Variants in PDE4D observed in about 807,000 individuals in gnomAD.
PDE4D encodes the protein 3',5'-cyclic-AMP phosphodiesterase 4D.
PDE4D carries 24 observed loss-of-function variants against 87.4 expected under a neutral mutation model. That is an observed-to-expected ratio of 0.27 (90% CI 0.20 to 0.39). PDE4D has a LOEUF of 0.39. PDE4D is among the 10% of genes least tolerant of loss of function. PDE4D has a pLI of 1.00. For missense variants in PDE4D, 714 were observed against 1,041.0 expected (o/e 0.69, Z 4.32); for synonymous variants, 384 against 383.2 (o/e 1.00, Z -0.02).
At chr5:60,499,980 T>A (rs1472589557) in intron 1 of PDE4D, among the ~76,000 whole-genome samples, 4 of 152,312 alleles carry the variant, frequency 2.6e-5, no homozygotes, top group African/African-American at 9.6e-5. Context: ...CAAATTTGCT[T>A]CTTTTCTTTT....
At chr5:59,385,604 G>T (rs1786811912) in intron 1 of PDE4D, among the ~76,000 whole-genome samples, 2 of 152,132 alleles carry the variant, frequency 1.3e-5, no homozygotes, top group South Asian at 4.1e-4. Flanking sequence ...CTCAGCATGT[G>T]TTTCTCCAGT....
chr5:59,539,942 T>C (rs1304904119), intron 1 of PDE4D, among the ~76,000 whole-genome samples: 1 of 152,164 alleles, frequency 6.6e-6, no homozygotes, highest in Non-Finnish European at 1.5e-5. Context: ...AGTGTACATC[T>C]GTCCTATGGT....
chr5:59,132,006 T>C (rs188857670), intron 5 of PDE4D, among the ~76,000 whole-genome samples: 104 of 152,292 alleles, frequency 6.8e-4, no homozygotes, highest in Middle Eastern at 3.4e-3. Flanking sequence ...CTTTATTTTT[T>C]ACTTTTCTGA....
At chr5:60,168,163 G>T (rs964239609) in intron 2 of PDE4D, among the ~76,000 whole-genome samples, 5 of 152,142 alleles carry the variant, frequency 3.3e-5, no homozygotes, top group Admixed American at 3.3e-4. Context: ...GCTATAACAA[G>T]ATTTATTAAT....
intron 1 of PDE4D, among the ~76,000 whole-genome samples, chr5:59,245,649 T>A (rs574850891): frequency 1.3e-5 from 2 of 152,266 alleles, no homozygotes; most frequent in African/African-American, 4.8e-5. Context: ...TAATTGAGTG[T>A]ATGTATGTCT....
intron 1 of PDE4D, among the ~76,000 whole-genome samples, chr5:59,335,284 T>C (rs1279406873): frequency 6.6e-6 from 1 of 152,108 alleles, no homozygotes; most frequent in African/African-American, 2.4e-5. Flanking sequence ...GCCCAGAGCA[T>C]GGGAACCAAC....
At chr5:60,197,243 A>C (rs1396387927) in intron 1 of PDE4D, among the ~76,000 whole-genome samples, 1 of 151,556 alleles carries the variant, frequency 6.6e-6, no homozygotes, top group Admixed American at 6.6e-5. Flanking sequence ...AGCTTTCTCA[A>C]TCTGAGCTAT....
intron 1 of PDE4D, among the ~76,000 whole-genome samples, chr5:59,457,656 C>T (rs993867718): frequency 3.3e-5 from 5 of 151,868 alleles, no homozygotes; most frequent in African/African-American, 9.7e-5. Context: ...TTTGGGAGGC[C>T]GAGGCAGGTG....
upstream of PDE4D, among the ~76,000 whole-genome samples, chr5:59,898,330 C>T (rs1168979244): frequency 6.6e-6 from 1 of 152,174 alleles, no homozygotes; most frequent in Non-Finnish European, 1.5e-5. Flanking sequence ...CATTGACAAA[C>T]ATGCACAAAA....
intron 1 of PDE4D, among the ~76,000 whole-genome samples, chr5:59,535,677 T>C (rs958885066): frequency 6.6e-6 from 1 of 152,204 alleles, no homozygotes; most frequent in Non-Finnish European, 1.5e-5. Context: ...CTTTAACACG[T>C]GGGCTATAAA....
intron 1 of PDE4D, among the ~76,000 whole-genome samples, chr5:60,417,020 A>G (rs1348773062): frequency 6.6e-6 from 1 of 152,240 alleles, no homozygotes; most frequent in Non-Finnish European, 1.5e-5. Flanking sequence ...TTAATCAAAC[A>G]TCCAATTTAC....
intron 1 of PDE4D, among the ~76,000 whole-genome samples, chr5:59,351,885 C>T (rs1780584191): frequency 6.6e-6 from 1 of 152,080 alleles, no homozygotes; most frequent in Non-Finnish European, 1.5e-5. Context: ...GAAGATAGTA[C>T]ATCTGTTAGA....
At chr5:59,556,655 T>G (rs899268099) in intron 1 of PDE4D, among the ~76,000 whole-genome samples, 12 of 152,198 alleles carry the variant, frequency 7.9e-5, no homozygotes, top group African/African-American at 2.7e-4. Context: ...CTGCTAAGTT[T>G]GGCCACCACG....
At chr5:59,471,793 T>C (rs73097352) in intron 1 of PDE4D, among the ~76,000 whole-genome samples, 2,143 of 152,354 alleles carry the variant, frequency 0.014, 62 homozygotes, top group African/African-American at 0.048. Flanking sequence ...TGTTGTCTTT[T>C]TGTTTTCTTC....
chr5:60,229,283 A>G (rs1242788377), intron 1 of PDE4D, among the ~76,000 whole-genome samples: 1 of 152,116 alleles, frequency 6.6e-6, no homozygotes, highest in Admixed American at 6.5e-5. Context: ...TTTAGCCAGT[A>G]TTATGTTTTC....
chr5:59,295,948 T>A (rs574738570), intron 1 of PDE4D, among the ~76,000 whole-genome samples: 1 of 152,072 alleles, frequency 6.6e-6, no homozygotes, highest in East Asian at 1.9e-4. Context: ...ATATTGTAAA[T>A]ACAAACCTTG....
intron 1 of PDE4D, chr5:60,304,015 C>T (rs944987663): frequency 6.6e-6 from 1 of 152,182 alleles, no homozygotes; most frequent in African/African-American, 2.4e-5. Flanking sequence ...GTTATCTCTT[C>T]TTGTTGAATC....
chr5:60,422,542 A>G (rs1360781482), intron 1 of PDE4D, among the ~76,000 whole-genome samples: 1 of 152,220 alleles, frequency 6.6e-6, no homozygotes, highest in Non-Finnish European at 1.5e-5. Context: ...CTCCTGAGGG[A>G]AGCACTAAAC....
At chr5:59,941,099 G>C (rs1333039589) in intron 3 of PDE4D, among the ~76,000 whole-genome samples, 1 of 152,176 alleles carries the variant, frequency 6.6e-6, no homozygotes, top group South Asian at 2.1e-4. Context: ...GTTGTTTAGT[G>C]AGGGGCTGGA....
Sources: allele counts gnomAD v4.1 joint callset (sites outside exome capture counted in the v4.1 genomes callset), GRCh38; gene constraint gnomAD v4.1.1; transcripts MANE v1.5; gene names NCBI Gene and HGNC (gene_info 2026-07-23, HGNC 2026-07-21).